Variants in UGP2 observed in about 807,000 individuals in gnomAD.
UGP2 encodes UTP--glucose-1-phosphate uridylyltransferase.
A neutral mutation model predicts 49.0 loss-of-function variants in UGP2; 40 were observed. The observed-to-expected ratio is 0.82, with a 90% CI of 0.63 to 1.06. UGP2 has a LOEUF of 1.06. Among genes scored for constraint, UGP2 ranks in the 50% least tolerant of loss-of-function variants. UGP2 has a pLI of 0.00. For synonymous variants in UGP2, 225 were observed against 213.0 expected (o/e 1.06, Z -0.49); for missense variants, 460 against 603.5 (o/e 0.76, Z 2.49).
chr2:63,867,413 C>T (rs1328733569), intron 3 of UGP2, among the ~76,000 whole-genome samples: 1 of 152,132 alleles, frequency 6.6e-6, no homozygotes, highest in Non-Finnish European at 1.5e-5. Flanking sequence ...AATAAAAGAA[C>T]CTACTTTATA....
intron 3 of UGP2, among the ~76,000 whole-genome samples, chr2:63,875,771 C>T (rs1160793056): frequency 6.6e-6 from 1 of 152,194 alleles, no homozygotes; most frequent in African/African-American, 2.4e-5. Context: ...ATGCGGTTTG[C>T]CCCACCTCAC....
chr2:63,882,401 A>T, intron 3 of UGP2, 65 bp from the exon 4 acceptor site: 1 of 1,328,950 alleles, frequency 7.5e-7, no homozygotes, highest in Non-Finnish European at 1.0e-6. Flanking sequence ...TAACCCTGGG[A>T]TTGATATGCT....
intron 3 of UGP2, among the ~76,000 whole-genome samples, chr2:63,865,758 C>T (rs1670143131): frequency 6.6e-6 from 1 of 151,978 alleles, no homozygotes; most frequent in South Asian, 2.1e-4. Context: ...AGGCTGGTAA[C>T]TCCTGGGCTC....
intron 3 of UGP2, among the ~76,000 whole-genome samples, chr2:63,866,087 A>G (rs1378825545): frequency 6.6e-6 from 1 of 152,010 alleles, no homozygotes; most frequent in Non-Finnish European, 1.5e-5. Flanking sequence ...GTGACAACTA[A>G]GAAAGACTGG....
intron 2 of UGP2, 113 bp from the exon 3 acceptor site, chr2:63,857,716 G>A: frequency 9.0e-7 from 1 of 1,107,698 alleles, no homozygotes; most frequent in Non-Finnish European, 1.3e-6. Context: ...ATGTCCTAAT[G>A]GTGTAAGAAT....
intron 1 of UGP2, among the ~76,000 whole-genome samples, chr2:63,854,151 G>T (rs973535877): frequency 2.0e-5 from 3 of 152,172 alleles, no homozygotes; most frequent in Non-Finnish European, 2.9e-5. Context: ...CCATTGGCCT[G>T]CTCTGTGACC....
intron 1 of UGP2, among the ~76,000 whole-genome samples, chr2:63,842,826 G>A (rs575442915): frequency 9.2e-5 from 14 of 152,300 alleles, no homozygotes; most frequent in South Asian, 6.2e-4. Flanking sequence ...TTTGAAAACT[G>A]CTCTCTAAAT....
chr2:63,877,999 CAAAAAAAAAAAAAA>C (rs61669991), intron 3 of UGP2, among the ~76,000 whole-genome samples: 188 of 67,910 alleles, frequency 2.8e-3, no homozygotes, highest in African/African-American at 9.4e-3. Flanking sequence ...GACTCCGTCT[CAAAAAAAAAAAAAA>C]AAAAAAAAAA....
rs1460787687 is a variant in UGP2, at chr2:63,886,332, C to T, written c.874-9C>T. On this transcript the variant is annotated splice_polypyrimidine_tract_variant and intron_variant, in intron 6 of 9. Coordinates refer to ENST00000337130, the MANE Select transcript of UGP2 (RefSeq NM_006759.4). ...ATGTGGAGGCACTCACTATTTTCTG[C>T]CTTTCTAGGGCGGGACACTCACTCA... The T allele has an allele frequency of 6.2e-7, 1 of 1,613,044 alleles. No individual in the cohort carries two copies. The highest frequency in any genetic ancestry group is 1.7e-5 in the Admixed American group (1 of 59,974).
intron 4 of UGP2, 41 bp from the exon 5 acceptor site, chr2:63,883,919 A>G: frequency 6.4e-7 from 1 of 1,568,370 alleles, no homozygotes; most frequent in Non-Finnish European, 8.6e-7. Flanking sequence ...GAGCAAAAGA[A>G]AAGTGAGTCT....
In UGP2 at chr2:63,886,358, A is replaced by G. The variant is rs1671672250; in HGVS notation, c.891A>G (p.Gln297=). The G allele has an allele frequency of 1.2e-6, 2 of 1,614,192 alleles. No individual in the cohort carries two copies. The highest frequency in any genetic ancestry group is 1.7e-6 in the Non-Finnish European group (2 of 1,180,018). ...CTTTCTAGGGCGGGACACTCACTCAATATGAAGGCAAACTGAGACTGGTGG... is the reference window on the plus strand; with the variant it reads ...CTTTCTAGGGCGGGACACTCACTCAGTATGAAGGCAAACTGAGACTGGTGG... ...RADVKGGTLT[Q]YEGKLRLVEI... is the part of the protein sequence containing the mutation. Residue 297 remains glutamine (Q), a synonymous_variant, in exon 7 of 10, where the codon CAA becomes CAG. Coordinates refer to ENST00000337130, the MANE Select transcript of UGP2 (RefSeq NM_006759.4).
At chr2:63,883,244 T>C (rs1671432928) in intron 4 of UGP2, 1 of 152,252 alleles carries the variant, frequency 6.6e-6, no homozygotes, top group African/African-American at 2.4e-5. Context: ...TATATGAATT[T>C]ACTCATTTGT....
chr2:63,844,926 A>C (rs2104236939), intron 1 of UGP2, among the ~76,000 whole-genome samples: 1 of 152,262 alleles, frequency 6.6e-6, no homozygotes, highest in Admixed American at 6.5e-5. Flanking sequence ...GTTGCTTCTA[A>C]CATTAACAAC....
intron 3 of UGP2, among the ~76,000 whole-genome samples, chr2:63,877,214 G>A (rs1670965976): frequency 6.6e-6 from 1 of 152,220 alleles, no homozygotes; most frequent in South Asian, 2.1e-4. Context: ...GACTTACTTT[G>A]GTCAACGGAG....
chr2:63,842,476 G>C (rs1671633738), intron 1 of UGP2: 1 of 1,538,686 alleles, frequency 6.5e-7, no homozygotes, highest in Non-Finnish European at 8.7e-7. Flanking sequence ...GTGGCTGTAA[G>C]TGATAAAACA....
intron 3 of UGP2, among the ~76,000 whole-genome samples, chr2:63,879,332 A>G (rs1326010640): frequency 6.6e-6 from 1 of 152,232 alleles, no homozygotes. Context: ...TGTTATATAT[A>G]AAATTAATAG....
intron 3 of UGP2, among the ~76,000 whole-genome samples, chr2:63,864,902 T>C (rs1256094108): frequency 6.6e-6 from 1 of 152,228 alleles, no homozygotes; most frequent in Non-Finnish European, 1.5e-5. Flanking sequence ...GTGAACAAGA[T>C]AGTCAAGGGC....
At position 63,842,487 on chromosome 2, in the gene UGP2, G is replaced by A. The variant is rs1454481623; in HGVS notation, c.19+283G>A. 3.9e-6 allele frequency: 6 copies of A among 1,537,400 alleles called. No individual in the cohort carries two copies. The Admixed American group carries it at 1.2e-4, about 30-fold the overall frequency. On this transcript the variant is annotated intron_variant, in intron 1 of 9. Transcript: ENST00000337130. ...GATAGTGGCTGTAAGTGATAAAACAGGATTTTTGGCTGCTAATTAATCCTT... is the reference window on the plus strand; with the variant it reads ...GATAGTGGCTGTAAGTGATAAAACAAGATTTTTGGCTGCTAATTAATCCTT...
chr2:63,867,092 C>T (rs925359749), intron 3 of UGP2, among the ~76,000 whole-genome samples: 3 of 151,666 alleles, frequency 2.0e-5, no homozygotes, highest in East Asian at 1.9e-4. Flanking sequence ...TTTTAAAATC[C>T]CTAATTTTAT....
Sources: allele counts gnomAD v4.1 joint callset (sites outside exome capture counted in the v4.1 genomes callset), GRCh38; gene constraint gnomAD v4.1.1; transcripts MANE v1.5; gene names NCBI Gene and HGNC (gene_info 2026-07-23, HGNC 2026-07-21).